TAOK3: variants seen among roughly 807,000 people sequenced by gnomAD.
TAOK3 encodes TAO kinase 3, also known as serine/threonine-protein kinase TAO3.
In TAOK3, 40 loss-of-function variants were observed where a neutral mutation model predicts 120.4. The observed-to-expected ratio is 0.33, with a 90% CI of 0.26 to 0.43. TAOK3 has a LOEUF of 0.43. Among genes scored for constraint, TAOK3 ranks in the 20% least tolerant of loss-of-function variants. The probability of loss-of-function intolerance (pLI) is 1.00; values close to 1 mark genes in which losing one functional copy is unlikely to be tolerated. For missense variants in TAOK3, 821 were observed against 1,112.1 expected, an observed-to-expected ratio of 0.74 and a Z score of 3.72; for synonymous variants, 355 against 387.5, an observed-to-expected ratio of 0.92 and a Z score of 0.99.
intron 19 of TAOK3, among the ~76,000 whole-genome samples, chr12:118,159,147 C>G (rs1237741028): frequency 6.6e-6 from 1 of 152,086 alleles, no homozygotes; most frequent in East Asian, 1.9e-4. Flanking sequence ...ATATTTTCCT[C>G]TGTTTGAACC....
chr12:118,315,442 T>TA (rs1462837447), intron 1 of TAOK3, among the ~76,000 whole-genome samples: 1 of 141,038 alleles, frequency 7.1e-6, no homozygotes, highest in East Asian at 2.2e-4. Context: ...ATGCAAATGT[T>TA]AAAACCCACA....
intron 3 of TAOK3, among the ~76,000 whole-genome samples, chr12:118,250,999 T>C (rs1476856534): frequency 1.3e-5 from 2 of 152,042 alleles, no homozygotes; most frequent in Admixed American, 6.6e-5. Flanking sequence ...AGAGAGAAGA[T>C]AGCTCAAGTA....
chr12:118,239,170 A>G (rs2139930183), intron 6 of TAOK3, 57 bp downstream of exon 6: 1 of 1,096,756 alleles, frequency 9.1e-7, no homozygotes, highest in Admixed American at 1.8e-5. Context: ...GTATGGCGGT[A>G]GATAACATTC....
intron 9 of TAOK3, among the ~76,000 whole-genome samples, chr12:118,217,310 A>G (rs1259709687): frequency 6.6e-6 from 1 of 152,240 alleles, no homozygotes; most frequent in Non-Finnish European, 1.5e-5. Context: ...GCACTTAAGC[A>G]GATGACAACT....
chr12:118,235,745 A>C (rs1387466149), intron 7 of TAOK3, 74 bp from the exon 8 acceptor site: 5 of 898,332 alleles, frequency 5.6e-6, no homozygotes, highest in Non-Finnish European at 8.6e-6. Flanking sequence ...GCATGCAATT[A>C]ATAAGACAAA....
chr12:118,189,051 AT>A, intron 14 of TAOK3, among the ~76,000 whole-genome samples: 1 of 152,228 alleles, frequency 6.6e-6, no homozygotes, highest in African/African-American at 2.4e-5. Context: ...CAGCAATCAC[AT>A]TTGCAATAGT....
chr12:118,164,051 G>A (rs61943529), intron 17 of TAOK3, among the ~76,000 whole-genome samples: 2,407 of 151,782 alleles, frequency 0.016, 29 homozygotes, highest in Non-Finnish European at 0.026. Context: ...AGCCTGGGGC[G>A]GTGGCTCACG....
At chr12:118,357,178 CT>C (rs1433001244) in intron 1 of TAOK3, among the ~76,000 whole-genome samples, 1 of 152,148 alleles carries the variant, frequency 6.6e-6, no homozygotes, top group Non-Finnish European at 1.5e-5. Context: ...ACAAAGCTTC[CT>C]TTTATGTTGC....
chr12:118,255,019 C>T (rs1452009927), intron 3 of TAOK3, among the ~76,000 whole-genome samples: 1 of 152,188 alleles, frequency 6.6e-6, no homozygotes, highest in African/African-American at 2.4e-5. Flanking sequence ...GCCTCAGCCT[C>T]CCAGAGTGCT....
At chr12:118,300,775 T>A (rs1165075259) in intron 1 of TAOK3, among the ~76,000 whole-genome samples, 5 of 152,156 alleles carry the variant, frequency 3.3e-5, no homozygotes, top group Admixed American at 1.3e-4. Flanking sequence ...TTTTAAATTT[T>A]AATTTTATTT....
chr12:118,189,864 G>T lies in TAOK3; in HGVS notation c.1272C>A (p.Ser424Arg), dbSNP rs762034171. Residue 424 changes from serine to arginine, a missense_variant, in exon 14 of 21, where the codon AGC becomes AGA. Physicochemically the swap from Ser to Arg is moderately radical, Grantham distance 110. Coordinates refer to ENST00000392533, the MANE Select transcript of TAOK3 (RefSeq NM_016281.4). ...PEPRPTQSVQSQALHYRNRER... is the reference protein window; with the variant it reads ...PEPRPTQSVQRQALHYRNRER... ...CTCTGTTCCGGTAGTGGAGGGCCTG[G>T]CTCTGAACTGACTGGGTAGGCCGCG... is the stretch of plus-strand genomic sequence containing the variant. 1 of 1,614,200 alleles carries T rather than the reference G, an allele frequency of 6.2e-7. No homozygotes were observed. The highest frequency in any genetic ancestry group is 1.3e-5 in the African/African-American group (1 of 75,046).
In TAOK3 at chr12:118,246,107, G is replaced by C. The variant is rs955185909; in HGVS notation, c.121-1142C>G. 3.8e-6 allele frequency: 5 copies of C among 1,307,596 alleles called. No homozygotes were observed. The East Asian group carries it at 1.0e-4, about 26-fold the overall frequency. The allele number at this position is 1,307,596 out of a possible 1,614,324, so 81.0% of individuals were successfully genotyped here. On this transcript the variant is annotated intron_variant, in intron 3 of 20. Transcript: ENST00000392533. ...AAATGGCGGATGACGCCGGTGCAGCGGGGGGGCACGGAGGCCCTGGTGGCC... is the reference window on the plus strand; with the variant it reads ...AAATGGCGGATGACGCCGGTGCAGCCGGGGGGCACGGAGGCCCTGGTGGCC...
chr12:118,310,302 A>C (rs2140844054), intron 1 of TAOK3, among the ~76,000 whole-genome samples: 1 of 152,338 alleles, frequency 6.6e-6, no homozygotes, highest in African/African-American at 2.4e-5. Flanking sequence ...TCTCATAAAT[A>C]AATGAACAAA....
chr12:118,182,510 T>G (rs969153232), intron 14 of TAOK3, among the ~76,000 whole-genome samples: 3 of 150,910 alleles, frequency 2.0e-5, no homozygotes, highest in African/African-American at 7.3e-5. Flanking sequence ...TATCTCCAGA[T>G]ATTGCCAAAT....
intron 1 of TAOK3, among the ~76,000 whole-genome samples, chr12:118,291,853 T>C (rs1184951502): frequency 6.6e-6 from 1 of 152,142 alleles, no homozygotes; most frequent in Non-Finnish European, 1.5e-5. Flanking sequence ...CTCGCTCTGT[T>C]GCCCAGGTTG....
intron 2 of TAOK3, among the ~76,000 whole-genome samples, chr12:118,265,458 T>C (rs932431385): frequency 6.7e-6 from 1 of 148,454 alleles, no homozygotes; most frequent in Non-Finnish European, 1.5e-5. Flanking sequence ...ACACATACAC[T>C]TACCTACAAA....
chr12:118,225,134 G>A (rs2039436812), intron 9 of TAOK3, among the ~76,000 whole-genome samples: 1 of 151,428 alleles, frequency 6.6e-6, no homozygotes, highest in South Asian at 2.1e-4. Flanking sequence ...TGTAATCCCA[G>A]CTACTCGGGA....
chr12:118,291,451 G>A (rs2042477470), intron 1 of TAOK3, among the ~76,000 whole-genome samples: 1 of 152,028 alleles, frequency 6.6e-6, no homozygotes, highest in Non-Finnish European at 1.5e-5. Context: ...GTGAGCCACC[G>A]TGCCCAGCGG....
At chr12:118,298,765 A>G (rs1745343279) in intron 1 of TAOK3, among the ~76,000 whole-genome samples, 1 of 152,232 alleles carries the variant, frequency 6.6e-6, no homozygotes, top group African/African-American at 2.4e-5. Context: ...TAAATATTCC[A>G]TATAGATATT....
Sources: allele counts gnomAD v4.1 joint callset (sites outside exome capture counted in the v4.1 genomes callset), GRCh38; gene constraint gnomAD v4.1.1; transcripts MANE v1.5; gene names NCBI Gene and HGNC (gene_info 2026-07-23, HGNC 2026-07-21).